Variants in NAV2 observed in about 807,000 individuals in gnomAD.
NAV2 encodes the protein helicase, APC down-regulated 1.
Under a neutral mutation model 223.2 loss-of-function variants are expected in NAV2, and 54 were observed. The ratio of observed to expected loss-of-function variants is 0.24; its 90% CI spans 0.19 to 0.30. The LOEUF (loss-of-function observed/expected upper bound fraction) is 0.30. Ranked by LOEUF, NAV2 falls within the 10% of genes least tolerant of loss-of-function variation. The probability of loss-of-function intolerance (pLI) is 1.00; values close to 1 mark genes in which losing one functional copy is unlikely to be tolerated. For synonymous variants in NAV2, 1,279 were observed against 1,239.3 expected, an observed-to-expected ratio of 1.03 and a Z score of -0.67; for missense variants, 2,806 against 3,147.5, an observed-to-expected ratio of 0.89 and a Z score of 2.60.
chr11:19,555,614 CATTTTTGCCTTCCCAG>C (rs2044858070), intron 1 of NAV2, among the ~76,000 whole-genome samples: 1 of 152,196 alleles, frequency 6.6e-6, no homozygotes, highest in African/African-American at 2.4e-5. Flanking sequence ...ACATTGCTCA[CATTTTTGCCTTCCCAG>C]ATTTTTGCCT....
At chr11:19,389,156 C>A (rs1590103785) in intron 1 of NAV2, among the ~76,000 whole-genome samples, 1 of 152,350 alleles carries the variant, frequency 6.6e-6, no homozygotes, top group South Asian at 2.1e-4. Flanking sequence ...ACTTGTCTCT[C>A]TGTGATCCAC....
chr11:19,754,672 G>C (rs550416094), intron 1 of NAV2, among the ~76,000 whole-genome samples: 45 of 152,258 alleles, frequency 3.0e-4, no homozygotes, highest in African/African-American at 9.9e-4. Flanking sequence ...CAACAACCCA[G>C]ACTCTAAACT....
At chr11:19,652,193 A>G (rs920903644) in intron 1 of NAV2, among the ~76,000 whole-genome samples, 1 of 152,180 alleles carries the variant, frequency 6.6e-6, no homozygotes, top group Non-Finnish European at 1.5e-5. Flanking sequence ...TTCATTCAGA[A>G]TCTACCCAGG....
At chr11:19,448,201 C>T (rs1246865846) in intron 1 of NAV2, among the ~76,000 whole-genome samples, 3 of 151,752 alleles carry the variant, frequency 2.0e-5, no homozygotes, top group East Asian at 2.0e-4. Flanking sequence ...CTCAGTCAGG[C>T]GCAAGGTGGG....
chr11:19,761,607 G>A (rs2054743166), intron 1 of NAV2, among the ~76,000 whole-genome samples: 1 of 152,202 alleles, frequency 6.6e-6, no homozygotes, highest in Non-Finnish European at 1.5e-5. Context: ...TGTCACTGCA[G>A]CCTCATGAGT....
At chr11:19,405,955 C>T (rs1462034837) in intron 1 of NAV2, among the ~76,000 whole-genome samples, 1 of 152,140 alleles carries the variant, frequency 6.6e-6, no homozygotes, top group Non-Finnish European at 1.5e-5. Context: ...ATTTGATAAA[C>T]AAGACAGGGT....
rs377487233 is a variant in NAV2 at position 19,514,259 on chromosome 11, T to G, written c.75+163232T>G. 6.0e-4 allele frequency among the ~76,000 whole-genome samples: 92 copies of G among 152,248 alleles called. 1 individual carries two copies. The South Asian group carries it at 7.3e-3, about 12-fold the overall frequency. ...GGTGCCTCTAGCAGGAAAATCTTAATGTACTCATTTTCAAGCTTGGAGGGA... is the reference window on the plus strand; with the variant it reads ...GGTGCCTCTAGCAGGAAAATCTTAAGGTACTCATTTTCAAGCTTGGAGGGA... On this transcript the variant is annotated intron_variant, in intron 1 of 37. Transcript: ENST00000360655.
At chr11:19,564,890 T>C (rs2045219385) in intron 1 of NAV2, among the ~76,000 whole-genome samples, 1 of 152,108 alleles carries the variant, frequency 6.6e-6, no homozygotes, top group Non-Finnish European at 1.5e-5. Flanking sequence ...ATCCCAGCAC[T>C]TTGGGAAGCA....
At chr11:19,849,304 G>A (rs1243137295) in intron 3 of NAV2, among the ~76,000 whole-genome samples, 2 of 152,202 alleles carry the variant, frequency 1.3e-5, no homozygotes, top group Non-Finnish European at 2.9e-5. Flanking sequence ...ACCAAGCCGT[G>A]TTCTCCTTAG....
chr11:19,462,029 G>T (rs1429421408), intron 1 of NAV2, among the ~76,000 whole-genome samples: 1 of 152,062 alleles, frequency 6.6e-6, no homozygotes, highest in African/African-American at 2.4e-5. Context: ...GGCTGGTCTC[G>T]AGCTCCTGAC....
intron 1 of NAV2, among the ~76,000 whole-genome samples, chr11:19,380,128 A>G (rs1487844413): frequency 6.6e-6 from 1 of 152,224 alleles, no homozygotes; most frequent in African/African-American, 2.4e-5. Context: ...CTTGCAGTTA[A>G]CCATGTAAGT....
At chr11:19,912,339 C>G (rs924120840) in intron 6 of NAV2, among the ~76,000 whole-genome samples, 1 of 152,162 alleles carries the variant, frequency 6.6e-6, no homozygotes, top group Non-Finnish European at 1.5e-5. Context: ...TTTCAAACAC[C>G]CACAGCTTTG....
At chr11:20,097,842 A>G (rs967607614) in intron 31 of NAV2, 97 bp downstream of exon 31, 30 of 1,147,454 alleles carry the variant, frequency 2.6e-5, no homozygotes, top group Non-Finnish European at 3.4e-5. Flanking sequence ...TTGTTTGTGC[A>G]TGTATTTGTG....
chr11:19,727,311 G>C (rs1472384380), intron 1 of NAV2, among the ~76,000 whole-genome samples: 11 of 152,202 alleles, frequency 7.2e-5, no homozygotes, highest in Non-Finnish European at 2.9e-5. Flanking sequence ...GGCTGTGAAT[G>C]CCTCTCTAGA....
At chr11:19,932,691 G>A (rs1224464204) in intron 6 of NAV2, among the ~76,000 whole-genome samples, 1 of 152,218 alleles carries the variant, frequency 6.6e-6, no homozygotes, top group African/African-American at 2.4e-5. Context: ...ACTTTTGTGT[G>A]TAATTATTCT....
chr11:20,107,453 G>C, intron 35 of NAV2: 1 of 580,434 alleles, frequency 1.7e-6, no homozygotes. Flanking sequence ...CTTTCCTGGA[G>C]GAGGGAGACC....
intron 1 of NAV2, among the ~76,000 whole-genome samples, chr11:19,706,191 A>G (rs1406065320): frequency 6.6e-6 from 1 of 152,216 alleles, no homozygotes; most frequent in Non-Finnish European, 1.5e-5. Flanking sequence ...TTAAATAAGA[A>G]TCCTTTTCTT....
intron 1 of NAV2, among the ~76,000 whole-genome samples, chr11:19,536,310 C>T (rs1036284369): frequency 7.9e-5 from 12 of 152,198 alleles, no homozygotes; most frequent in Non-Finnish European, 2.9e-5. Context: ...AGATCTCTCT[C>T]TGTCGACTGC....
intron 1 of NAV2, among the ~76,000 whole-genome samples, chr11:19,632,500 GT>G (rs2047375678): frequency 6.6e-6 from 1 of 152,144 alleles, no homozygotes; most frequent in African/African-American, 2.4e-5. Context: ...CTTTTATCAA[GT>G]TTAGATTATC....
Sources: allele counts gnomAD v4.1 joint callset (sites outside exome capture counted in the v4.1 genomes callset), GRCh38; gene constraint gnomAD v4.1.1; transcripts MANE v1.5; gene names NCBI Gene and HGNC (gene_info 2026-07-23, HGNC 2026-07-21).